RYR3: variants seen among roughly 807,000 people sequenced by gnomAD.
RYR3 encodes the protein ryanodine receptor 3, also known as brain ryanodine receptor-calcium release channel.
A neutral mutation model predicts 584.3 loss-of-function variants in RYR3; 207 were observed. The observed-to-expected ratio is 0.35, with a 90% CI of 0.32 to 0.40. The LOEUF (loss-of-function observed/expected upper bound fraction) is 0.40, where lower values mean the gene tolerates loss of function less well. Among genes scored for constraint, RYR3 ranks in the 10% least tolerant of loss-of-function variants. The pLI, the probability that RYR3 is intolerant of heterozygous loss-of-function variation, is 1.00. For missense variants in RYR3, 5,616 were observed against 6,089.2 expected, an observed-to-expected ratio of 0.92 and a Z score of 2.59; for synonymous variants, 2,416 against 2,248.5, an observed-to-expected ratio of 1.07 and a Z score of -2.11.
intron 38 of RYR3, among the ~76,000 whole-genome samples, chr15:33,687,467 T>C (rs2065094774): frequency 2.0e-5 from 3 of 152,120 alleles, no homozygotes; most frequent in Admixed American, 2.0e-4. Context: ...AGAATCAGTA[T>C]CATGAAAATG....
chr15:33,808,355 A>T (rs186091468), intron 70 of RYR3, among the ~76,000 whole-genome samples: 1 of 152,368 alleles, frequency 6.6e-6, no homozygotes, highest in African/African-American at 2.4e-5. Context: ...AATGTTTTAT[A>T]TAAGTAGCAG....
chr15:33,830,192 T>G (rs948386423), intron 85 of RYR3, among the ~76,000 whole-genome samples: 1 of 152,230 alleles, frequency 6.6e-6, no homozygotes, highest in Non-Finnish European at 1.5e-5. Context: ...GCGTCTTTCA[T>G]GAAAGGAAGT....
At chr15:33,727,415 G>C (rs1057179764) in intron 46 of RYR3, among the ~76,000 whole-genome samples, 1 of 152,146 alleles carries the variant, frequency 6.6e-6, no homozygotes. Flanking sequence ...ATATTAATAA[G>C]GGACCCGGGG....
chr15:33,589,508 G>C (rs2059022152), intron 16 of RYR3, among the ~76,000 whole-genome samples: 2 of 152,118 alleles, frequency 1.3e-5, no homozygotes, highest in African/African-American at 4.8e-5. Flanking sequence ...TTGTGCTTCT[G>C]ACGTCTTAGT....
In RYR3 at chr15:33,848,428, G is replaced by A; in HGVS notation, c.13628+7G>A. 9.3e-6 allele frequency: 15 copies of A among 1,609,640 alleles called. No individual in the cohort carries two copies. Among genetic ancestry groups the A allele is most frequent in the Non-Finnish European group, 1.3e-5 (15 of 1,178,742 alleles). ...GCTTGGTGATCAACACACCGTGAGTGTCCCTCTACCCCAACCTAAAAAGGA... is the reference window on the plus strand; with the variant it reads ...GCTTGGTGATCAACACACCGTGAGTATCCCTCTACCCCAACCTAAAAAGGA... On this transcript the variant is annotated splice_region_variant and intron_variant, in intron 94 of 103. Coordinates refer to ENST00000634891, the MANE Select transcript of RYR3 (RefSeq NM_001036.6).
intron 55 of RYR3, among the ~76,000 whole-genome samples, chr15:33,748,757 T>C (rs1403388661): frequency 6.6e-6 from 1 of 152,170 alleles, no homozygotes; most frequent in East Asian, 1.9e-4. Flanking sequence ...TGATGGATGC[T>C]GACTCAGTAG....
chr15:33,654,879 C>G (rs967900962), intron 32 of RYR3, among the ~76,000 whole-genome samples: 5 of 152,248 alleles, frequency 3.3e-5, no homozygotes, highest in African/African-American at 4.8e-5. Context: ...GCTGAAAAGC[C>G]TCTTGGCAGC....
rs112397066 is a variant in RYR3 at position 33,790,263 on chromosome 15, G to T, written c.9830+1805G>T. On this transcript the variant is annotated intron_variant, in intron 67 of 103. Transcript: ENST00000634891. ...CCACCTCGACCTCCCAAAGTGCTGG[G>T]ATTACAGGCGTGAGCCACCTTGCCC... 8.9e-3 allele frequency among the ~76,000 whole-genome samples: 1,347 copies of T among 151,876 alleles called. 23 individuals carry two copies. The highest frequency in any genetic ancestry group is 0.029 in the African/African-American group (1,209 of 41,404).
In RYR3 at chr15:33,706,920, T is replaced by A; in HGVS notation, c.6485T>A (p.Val2162Glu). Residue 2162 changes from valine to glutamate, a missense_variant and splice_region_variant, in exon 43 of 104, where the codon GTG becomes GAG. By Grantham distance (121) the Val-to-Glu change is moderately radical. This residue lies in a region of RYR3 where 1,280 missense variants were observed against 1,426.2 expected (regional missense o/e 0.90). Transcript: ENST00000634891. ...ACACTTTTGTACTGTTTCTGGCAGG[T>A]GGTGACCTACTTGGCAGGCTGTGGC... ...LSLEEPDLEKVVTYLAGCGLQ... is the reference protein window; with the variant it reads ...LSLEEPDLEKEVTYLAGCGLQ... 1 of 1,602,462 alleles carries A rather than the reference T, an allele frequency of 6.2e-7. No homozygotes were observed. The highest frequency in any genetic ancestry group is 8.5e-7 in the Non-Finnish European group (1 of 1,173,976).
chr15:33,689,661 A>C (rs556370665), intron 38 of RYR3, among the ~76,000 whole-genome samples: 13 of 152,280 alleles, frequency 8.5e-5, no homozygotes, highest in African/African-American at 3.1e-4. Context: ...AATATAAAAA[A>C]CTTCAGATAA....
chr15:33,834,849 A>G lies in RYR3; in HGVS notation c.11464-119A>G, dbSNP rs183664850. The G allele has an allele frequency of 4.8e-6, 3 of 626,874 alleles. No individual in the cohort carries two copies. In the East Asian group the frequency reaches 8.6e-5, roughly 18 times the overall value. 38.8% of individuals were successfully genotyped at this position (626,874 alleles called of 1,614,324 possible). A position where few individuals can be genotyped will look rare whatever the true frequency, so the allele number is the denominator to read the frequency against. On this transcript the variant is annotated intron_variant, in intron 86 of 103. Coordinates refer to ENST00000634891, the MANE Select transcript of RYR3 (RefSeq NM_001036.6). ...TCCTGGGAAAATACTGAGCTATGAAATATTTGACTTTTGGAAAGTCTATCT... is the reference window on the plus strand; with the variant it reads ...TCCTGGGAAAATACTGAGCTATGAAGTATTTGACTTTTGGAAAGTCTATCT...
intron 18 of RYR3, among the ~76,000 whole-genome samples, chr15:33,605,236 T>C (rs2059850639): frequency 6.6e-6 from 1 of 152,220 alleles, no homozygotes; most frequent in Non-Finnish European, 1.5e-5. Flanking sequence ...AATACATCAG[T>C]GAGTCAGGAG....
intron 12 of RYR3, among the ~76,000 whole-genome samples, chr15:33,574,062 A>G (rs1374034879): frequency 3.3e-5 from 5 of 152,122 alleles, no homozygotes. Context: ...CACCTTTCCT[A>G]TTTTCCAGGT....
chr15:33,859,332 G>T (rs776544509), intron 99 of RYR3, among the ~76,000 whole-genome samples: 2 of 152,184 alleles, frequency 1.3e-5, no homozygotes, highest in Non-Finnish European at 2.9e-5. Context: ...CACCTTTAAT[G>T]GGCCTAAAAA....
chr15:33,636,602 A>C, intron 27 of RYR3, 52 bp downstream of exon 27: 1 of 1,497,024 alleles, frequency 6.7e-7, no homozygotes, highest in Non-Finnish European at 9.0e-7. Context: ...GGAGGAAAAT[A>C]TAGGGAGAGC....
intron 12 of RYR3, among the ~76,000 whole-genome samples, chr15:33,573,424 A>G (rs1173766358): frequency 6.6e-6 from 1 of 152,210 alleles, no homozygotes; most frequent in Non-Finnish European, 1.5e-5. Flanking sequence ...GGGAAGGAAC[A>G]AGAAAGAAAA....
intron 3 of RYR3, among the ~76,000 whole-genome samples, chr15:33,510,043 A>G (rs2052837260): frequency 1.3e-5 from 2 of 152,164 alleles, no homozygotes; most frequent in South Asian, 2.1e-4. Flanking sequence ...ATGTTTTTTT[A>G]TACTCGCAAA....
At chr15:33,850,697 C>T (rs574886033) in intron 94 of RYR3, 211 of 151,870 alleles carry the variant, frequency 1.4e-3, no homozygotes, top group African/African-American at 4.3e-3. Flanking sequence ...CACATAAGAA[C>T]ATATAAAATG....
At chr15:33,797,194 C>G (rs533201106) in intron 67 of RYR3, among the ~76,000 whole-genome samples, 1 of 152,284 alleles carries the variant, frequency 6.6e-6, no homozygotes, top group South Asian at 2.1e-4. Context: ...ATGGCAGAAT[C>G]TCTCATGGTT....
Sources: allele counts gnomAD v4.1 joint callset (sites outside exome capture counted in the v4.1 genomes callset), GRCh38; gene constraint gnomAD v4.1.1; regional missense constraint gnomAD v4.1.1; transcripts MANE v1.5; gene names NCBI Gene and HGNC (gene_info 2026-07-23, HGNC 2026-07-21).